The following KLHL29 variants were observed in gnomAD, a reference collection of about 807,000 sequenced individuals.
The protein encoded by KLHL29 is kelch-like protein 29.
KLHL29 carries 21 observed loss-of-function variants against 80.4 expected under a neutral mutation model. The observed-to-expected ratio is 0.26, with a 90% CI of 0.19 to 0.38. The LOEUF is 0.38. Among genes scored for constraint, KLHL29 ranks in the 10% least tolerant of loss-of-function variants. KLHL29 has a pLI of 1.00. For synonymous variants in KLHL29, 511 were observed against 526.8 expected (o/e 0.97, Z 0.41); for missense variants, 867 against 1,223.9 (o/e 0.71, Z 4.35).
intron 1 of KLHL29, among the ~76,000 whole-genome samples, chr2:23,454,903 C>G (rs1011533495): frequency 6.6e-5 from 10 of 150,782 alleles, no homozygotes; most frequent in African/African-American, 2.4e-4. Flanking sequence ...TTGTCTACCC[C>G]TTGGCACTTG....
intron 5 of KLHL29, among the ~76,000 whole-genome samples, chr2:23,654,696 T>TG (rs796647247): frequency 0.011 from 702 of 65,590 alleles, 20 homozygotes; most frequent in African/African-American, 0.024. Context: ...GAACAGAGGT[T>TG]GGGGGGGGGG....
At chr2:23,570,015 G>A (rs1442315947) in intron 3 of KLHL29, among the ~76,000 whole-genome samples, 1 of 152,212 alleles carries the variant, frequency 6.6e-6, no homozygotes, top group Non-Finnish European at 1.5e-5. Context: ...TGCCCTAAAA[G>A]GAAGGTTTAG....
In KLHL29 at chr2:23,693,489, C is replaced by T. The variant is rs1218796683; in HGVS notation, c.1503C>T (p.Val501=). 6 of 1,551,456 alleles carry T rather than the reference C, an allele frequency of 3.9e-6. No individual in the cohort carries two copies. In the South Asian group the frequency reaches 7.1e-5, roughly 18 times the overall value. ...TKAEELVYET[V]IKWIKKDPAT... is the part of the protein sequence containing the mutation. ...CTGAGGAGCTGGTGTACGAGACAGT[C>T]ATCAAGTGGATCAAGAAGGACCCCG... The change falls in exon 8 of 14, where the codon GTC becomes GTT. Residue 501 remains valine, a synonymous_variant. Transcript: ENST00000486442.
intron 5 of KLHL29, among the ~76,000 whole-genome samples, chr2:23,653,983 A>G (rs1670162464): frequency 1.3e-5 from 2 of 152,198 alleles, no homozygotes; most frequent in East Asian, 1.9e-4. Context: ...CCTGGCCAAC[A>G]TGGCAAAACC....
Position 23,706,759 on chromosome 2 carries a change from C to A in KLHL29, c.*95C>A, listed in dbSNP as rs1672751354. 2.4e-6 allele frequency: 2 copies of A among 848,198 alleles called. No homozygotes were observed. The highest frequency in any genetic ancestry group is 3.5e-6 in the Non-Finnish European group (2 of 577,474). 52.5% of individuals were successfully genotyped at this position (848,198 alleles called of 1,614,324 possible). On this transcript the variant is annotated 3_prime_UTR_variant, in exon 14 of 14. Transcript: ENST00000486442. ...TCCAGCGACACCAACAAGAGGCCAA[C>A]AAAACACAATCAAGGAACTCACTGC...
chr2:23,627,910 C>CTTT lies in KLHL29; in HGVS notation c.286-11217_286-11215dup, dbSNP rs10624746. On this transcript the variant is annotated intron_variant, in intron 3 of 13. Transcript: ENST00000486442. ...GACTAGAAAGGAGGAGGCCAGGAGT[C>CTTT]TTTTTTTTTTTTTTGAGATGGAGTC... 1.5e-4 allele frequency among the ~76,000 whole-genome samples: 18 copies of CTTT among 120,638 alleles called. 1 individual carries two copies. The highest frequency in any genetic ancestry group is 2.4e-4 in the Non-Finnish European group (15 of 61,546). 79.1% of individuals were successfully genotyped at this position (120,638 alleles called of 152,430 possible).
In KLHL29 at chr2:23,706,266, C is replaced by T. The variant is rs7603375; in HGVS notation, c.2445-215C>T. On this transcript the variant is annotated intron_variant, in intron 13 of 13. Transcript: ENST00000486442. ...CAGGGAGGGAGCGCCTTCTGCCGCTCGCAGGGTGGCATAGCACGGCTTCCT... is the reference window on the plus strand; with the variant it reads ...CAGGGAGGGAGCGCCTTCTGCCGCTTGCAGGGTGGCATAGCACGGCTTCCT... Among the ~76,000 whole-genome samples the T allele has an allele frequency of 2.4e-3, 361 of 152,266 alleles. 2 individuals carry two copies. Among genetic ancestry groups the T allele is most frequent in the African/African-American group, 8.0e-3 (333 of 41,548 alleles).
chr2:23,557,952 G>A (rs1260414303), intron 2 of KLHL29, among the ~76,000 whole-genome samples: 1 of 152,154 alleles, frequency 6.6e-6, no homozygotes, highest in Non-Finnish European at 1.5e-5. Flanking sequence ...CATCCAGTGT[G>A]CGTAGGGAAA....
chr2:23,536,952 C>G (rs1272884263), intron 2 of KLHL29, among the ~76,000 whole-genome samples: 1 of 148,160 alleles, frequency 6.7e-6, no homozygotes, highest in African/African-American at 2.5e-5. Context: ...TCTCTCTCTC[C>G]CTCTCTCGCT....
At chr2:23,524,362 C>T in intron 2 of KLHL29, 2 of 184,960 alleles carry the variant, frequency 1.1e-5, no homozygotes, top group Non-Finnish European at 1.2e-5. Context: ...AGTAGCAGGC[C>T]AGGAAATACC....
chr2:23,548,924 T>A lies in KLHL29; in HGVS notation c.-45-13228T>A, dbSNP rs370881745. On this transcript the variant is annotated intron_variant, in intron 2 of 13. Coordinates refer to ENST00000486442, the MANE Select transcript of KLHL29 (RefSeq NM_052920.2). ...AGATCTGGATTCTAATTCGTCTCTG[T>A]CCTAAGGCTCTGAGACTCGGTTACC... Among the ~76,000 whole-genome samples the A allele has an allele frequency of 2.3e-3, 352 of 152,278 alleles. 1 individual carries two copies. Among genetic ancestry groups the A allele is most frequent in the African/African-American group, 8.2e-3 (342 of 41,568 alleles).
At chr2:23,566,602 G>T (rs1379191186) in intron 3 of KLHL29, among the ~76,000 whole-genome samples, 1 of 152,220 alleles carries the variant, frequency 6.6e-6, no homozygotes, top group Non-Finnish European at 1.5e-5. Flanking sequence ...TAAGCCAAAG[G>T]TTATGTCAAC....
At chr2:23,572,793 C>T (rs987648952) in intron 3 of KLHL29, among the ~76,000 whole-genome samples, 12 of 151,954 alleles carry the variant, frequency 7.9e-5, no homozygotes, top group African/African-American at 1.9e-4. Context: ...CTCTGCTTCC[C>T]GGGTTCACAC....
intron 5 of KLHL29, among the ~76,000 whole-genome samples, chr2:23,660,087 C>T (rs565886004): frequency 2.0e-4 from 31 of 152,296 alleles, no homozygotes; most frequent in African/African-American, 7.2e-4. Context: ...CCTGGACCCC[C>T]ACACCATGTG....
chr2:23,618,687 C>G (rs1264902690), intron 3 of KLHL29, among the ~76,000 whole-genome samples: 5 of 152,164 alleles, frequency 3.3e-5, no homozygotes, highest in Non-Finnish European at 1.5e-5. Flanking sequence ...GAGCTGATTC[C>G]TTATAATAAA....
intron 1 of KLHL29, among the ~76,000 whole-genome samples, chr2:23,399,031 G>T (rs1387895900): frequency 1.3e-5 from 2 of 152,258 alleles, no homozygotes; most frequent in Non-Finnish European, 2.9e-5. Context: ...AAGGCATGAA[G>T]ATTATGGAGG....
chr2:23,523,594 G>A (rs192131427), intron 2 of KLHL29, among the ~76,000 whole-genome samples: 3 of 152,124 alleles, frequency 2.0e-5, no homozygotes, highest in Non-Finnish European at 4.4e-5. Flanking sequence ...TTGGCTTCAC[G>A]TAGTGAGTCT....
chr2:23,481,513 GAGCCTCCTGTTTCCCC>G lies in KLHL29; in HGVS notation c.-46+5851_-46+5866del, dbSNP rs567223223. On this transcript the variant is annotated intron_variant, in intron 2 of 13. Coordinates refer to ENST00000486442, the MANE Select transcript of KLHL29 (RefSeq NM_052920.2). ...TCAGCCCTCGCTGGAAAGAGGGTAG[GAGCCTCCTGTTTCCCC>G]AGCCACAGTAGCTGGTCAGCAGCCT... Among the ~76,000 whole-genome samples the G allele has an allele frequency of 2.4e-3, 368 of 152,344 alleles. 1 individual carries two copies. Among genetic ancestry groups the G allele is most frequent in the Non-Finnish European group, 4.2e-3 (285 of 68,028 alleles).
Position 23,478,564 on chromosome 2 carries a change from A to T in KLHL29, c.-46+2897A>T, listed in dbSNP as rs72776788. ...TACTGGAACCAGCTAGGAGGAGTGAAATCTGATACCTGCACTGCAGGAAAG... is the reference window on the plus strand; with the variant it reads ...TACTGGAACCAGCTAGGAGGAGTGATATCTGATACCTGCACTGCAGGAAAG... On this transcript the variant is annotated intron_variant, in intron 2 of 13. Coordinates refer to ENST00000486442, the MANE Select transcript of KLHL29 (RefSeq NM_052920.2). Among the ~76,000 whole-genome samples the T allele has an allele frequency of 8.8e-3, 1,333 of 152,292 alleles. 14 individuals are homozygous for T. The highest frequency in any genetic ancestry group is 0.012 in the Non-Finnish European group (833 of 68,026).
Sources: gnomAD v4.1 joint callset for allele counts (sites outside exome capture counted in the v4.1 genomes callset) on GRCh38, gnomAD v4.1.1 for gene constraint, MANE v1.5 for transcripts, NCBI Gene and HGNC (gene_info 2026-07-23, HGNC 2026-07-21) for gene names.